Variants in SIPA1L2 observed in about 807,000 individuals in gnomAD.
The protein encoded by SIPA1L2 is signal induced proliferation associated 1 like 2.
In SIPA1L2, 56 loss-of-function variants were observed where a neutral mutation model predicts 163.9. The observed-to-expected ratio is 0.34, with a 90% CI of 0.28 to 0.43. The LOEUF (loss-of-function observed/expected upper bound fraction) is 0.43, where lower values mean the gene tolerates loss of function less well. SIPA1L2 is among the 20% of genes least tolerant of loss of function. The pLI is 1.00. For synonymous variants in SIPA1L2, 877 were observed against 865.7 expected, an observed-to-expected ratio of 1.01 and a Z score of -0.23; for missense variants, 1,974 against 2,193.5, an observed-to-expected ratio of 0.90 and a Z score of 2.00.
At chr1:232,425,287 A>AT (rs887951945) in intron 18 of SIPA1L2, among the ~76,000 whole-genome samples, 6 of 151,638 alleles carry the variant, frequency 4.0e-5, no homozygotes, top group Admixed American at 3.9e-4. Context: ...GGCTAAAGAC[A>AT]TTTTTTTCCT....
At chr1:232,483,642 C>A (rs1475673854) in intron 6 of SIPA1L2, 150 bp downstream of exon 6, 1 of 769,362 alleles carries the variant, frequency 1.3e-6, no homozygotes, top group Non-Finnish European at 2.1e-6. Flanking sequence ...CTTTGTTCAT[C>A]TGAGGAAATC....
intron 5 of SIPA1L2, among the ~76,000 whole-genome samples, chr1:232,487,944 ACACACACACACG>A (rs1366616936): frequency 2.6e-5 from 4 of 151,864 alleles, no homozygotes; most frequent in African/African-American, 9.7e-5. Flanking sequence ...ACACACACAC[ACACACACACACG>A]CACACATATT....
At chr1:232,630,392 G>T (rs2102905167), upstream of SIPA1L2, among the ~76,000 whole-genome samples, 1 of 152,224 alleles carries the variant, frequency 6.6e-6, no homozygotes, top group East Asian at 2.0e-4. Flanking sequence ...GGCGCATCAT[G>T]AGCGGCGCTG....
At chr1:232,490,098 C>A (rs1665848972) in intron 5 of SIPA1L2, among the ~76,000 whole-genome samples, 1 of 152,200 alleles carries the variant, frequency 6.6e-6, no homozygotes, top group Non-Finnish European at 1.5e-5. Flanking sequence ...TCCCCACTGC[C>A]TCCTGAATCA....
At chr1:232,562,956 T>C (rs1318422656) in intron 2 of SIPA1L2, among the ~76,000 whole-genome samples, 2 of 152,242 alleles carry the variant, frequency 1.3e-5, no homozygotes, top group Non-Finnish European at 2.9e-5. Flanking sequence ...GAGAGCTGTG[T>C]AGACATCTGG....
intron 2 of SIPA1L2, among the ~76,000 whole-genome samples, chr1:232,535,794 A>G (rs758342667): frequency 7.9e-5 from 12 of 152,238 alleles, no homozygotes; most frequent in Non-Finnish European, 1.2e-4. Flanking sequence ...GGTATGTATT[A>G]TGAATGTTGA....
chr1:232,586,304 C>T (rs549397023), intron 1 of SIPA1L2, among the ~76,000 whole-genome samples: 7 of 152,260 alleles, frequency 4.6e-5, no homozygotes, highest in African/African-American at 1.7e-4. Flanking sequence ...TTCACACATC[C>T]ACATCCTCAG....
chr1:232,616,776 TA>T (rs1662522231), intron 1 of SIPA1L2, among the ~76,000 whole-genome samples: 1 of 152,222 alleles, frequency 6.6e-6, no homozygotes, highest in South Asian at 2.1e-4. Flanking sequence ...AAACCACCAT[TA>T]ACCCGGTACA....
intron 6 of SIPA1L2, among the ~76,000 whole-genome samples, chr1:232,480,741 C>T (rs1665307719): frequency 6.6e-6 from 1 of 152,160 alleles, no homozygotes. Flanking sequence ...CAACAAGAAA[C>T]AGTGTTGTTA....
chr1:232,616,537 T>A (rs1053807543), intron 1 of SIPA1L2, among the ~76,000 whole-genome samples: 3 of 152,178 alleles, frequency 2.0e-5, no homozygotes, highest in African/African-American at 7.2e-5. Flanking sequence ...GGCAATGCAG[T>A]GAGGCTGGGC....
At chr1:232,415,391 C>CCT in intron 19 of SIPA1L2, 103 bp downstream of exon 19, 1 of 1,390,642 alleles carries the variant, frequency 7.2e-7, no homozygotes, top group Non-Finnish European at 9.5e-7. Flanking sequence ...AAAACTTTGA[C>CCT]CAGACGATGG....
In SIPA1L2 at chr1:232,490,917, G is replaced by A; in HGVS notation, c.1763C>T (p.Ser588Leu). 6.2e-7 allele frequency: 1 copy of A among 1,614,130 alleles called. No individual in the cohort carries two copies. The highest frequency in any genetic ancestry group is 8.5e-7 in the Non-Finnish European group (1 of 1,180,006). Residue 588 changes from serine (S) to leucine (L), a missense_variant, in exon 5 of 23, where the codon TCA becomes TTA. Around this residue, in one of 3 missense-constraint regions of SIPA1L2, gnomAD observed 288 missense variants for 418.9 expected, o/e 0.69. Transcript: ENST00000674635. ...SIQCLRQASN[S>L]PKVSEQLLKL... ...GAGCAGCTGCTCTGAGACCTTGGGT[G>A]AGTTGGAAGCCTGTCGCAAACACTG... is the stretch of plus-strand genomic sequence containing the variant.
intron 10 of SIPA1L2, among the ~76,000 whole-genome samples, chr1:232,454,108 A>G (rs907144533): frequency 2.8e-4 from 43 of 152,348 alleles, no homozygotes; most frequent in African/African-American, 1.0e-3. Flanking sequence ...ACCACATAGT[A>G]TAACTTACTG....
At chr1:232,410,356 GT>G (rs1430338865) in intron 19 of SIPA1L2, among the ~76,000 whole-genome samples, 1 of 151,980 alleles carries the variant, frequency 6.6e-6, no homozygotes, top group Non-Finnish European at 1.5e-5. Context: ...TTTAATTAAA[GT>G]TTTTCTTTTA....
At chr1:232,461,298 T>C in intron 9 of SIPA1L2, 137 bp from the exon 10 acceptor site, 1 of 1,055,558 alleles carries the variant, frequency 9.5e-7, no homozygotes, top group Non-Finnish European at 1.4e-6. Flanking sequence ...TCTCTGCCTT[T>C]TCCTCAAACT....
At chr1:232,617,169 C>T (rs1662543381) in intron 1 of SIPA1L2, among the ~76,000 whole-genome samples, 1 of 152,152 alleles carries the variant, frequency 6.6e-6, no homozygotes, top group Admixed American at 6.5e-5. Context: ...TACAAATAAA[C>T]CAGTAATATG....
At chr1:232,574,420 G>A (rs1378923133) in intron 1 of SIPA1L2, among the ~76,000 whole-genome samples, 198 bp from the exon 2 acceptor site, 1 of 149,900 alleles carries the variant, frequency 6.7e-6, no homozygotes, top group South Asian at 2.2e-4. Context: ...AGGAACATAC[G>A]ATAGCACAAG....
intron 4 of SIPA1L2, 124 bp downstream of exon 4, chr1:232,493,403 A>T: frequency 8.0e-7 from 1 of 1,255,082 alleles, no homozygotes; most frequent in Non-Finnish European, 1.1e-6. Context: ...TAATTATCTT[A>T]AATGTTGCAA....
intron 1 of SIPA1L2, among the ~76,000 whole-genome samples, chr1:232,604,806 A>C (rs6696858): frequency 0.76 from 115,108 of 151,748 alleles, 43,742 homozygotes; most frequent in East Asian, 0.84. Flanking sequence ...GTGGCACATA[A>C]CCCCTCTCCT....
Sources: gnomAD v4.1 joint callset for allele counts (sites outside exome capture counted in the v4.1 genomes callset) on GRCh38, gnomAD v4.1.1 for gene constraint, gnomAD v4.1.1 regional missense constraint, MANE v1.5 for transcripts, NCBI Gene and HGNC (gene_info 2026-07-23, HGNC 2026-07-21) for gene names.